FHOD3: variants seen among roughly 807,000 people sequenced by gnomAD.
FHOD3 encodes the protein FH1/FH2 domain-containing protein 3.
Under a neutral mutation model 173.0 loss-of-function variants are expected in FHOD3, and 90 were observed. That is an observed-to-expected ratio of 0.52 (90% confidence interval 0.44 to 0.62). FHOD3 has a LOEUF of 0.62. Ranked by LOEUF, FHOD3 falls within the 20% of genes least tolerant of loss-of-function variation. The probability of loss-of-function intolerance (pLI) is 0.00; values close to 1 mark genes in which losing one functional copy is unlikely to be tolerated. For missense variants in FHOD3, 1,945 were observed against 2,034.7 expected, an observed-to-expected ratio of 0.96 and a Z score of 0.85; for synonymous variants, 828 against 823.0, an observed-to-expected ratio of 1.01 and a Z score of -0.10.
intron 3 of FHOD3, among the ~76,000 whole-genome samples, chr18:36,471,515 G>A (rs2053283131): frequency 6.6e-6 from 1 of 152,128 alleles, no homozygotes; most frequent in Admixed American, 6.5e-5. Context: ...CCTGAGTACT[G>A]GGCTCACTTA....
intron 1 of FHOD3, among the ~76,000 whole-genome samples, chr18:36,344,631 G>A (rs2045793640): frequency 6.6e-6 from 1 of 152,086 alleles, no homozygotes; most frequent in Non-Finnish European, 1.5e-5. Flanking sequence ...ACCAAATATG[G>A]CAGGAAAAGA....
chr18:36,716,538 A>G (rs1568659117), intron 18 of FHOD3, among the ~76,000 whole-genome samples: 2 of 152,214 alleles, frequency 1.3e-5, no homozygotes, highest in South Asian at 2.1e-4. Context: ...TTGAAACTAG[A>G]TGAGACTGAA....
At chr18:36,509,106 G>A (rs2055474775) in intron 4 of FHOD3, among the ~76,000 whole-genome samples, 1 of 152,058 alleles carries the variant, frequency 6.6e-6, no homozygotes. Flanking sequence ...CTGGACTGTG[G>A]GCTACTGTAC....
rs551610601 is a variant in FHOD3 at position 36,625,738 on chromosome 18, T to A, written c.1185T>A (p.Asp395Glu). Residue 395 changes from aspartate to glutamate, a missense_variant, in exon 10 of 29, where the codon GAT becomes GAA. By Grantham distance (45) the Asp-to-Glu change is conservative. Coordinates refer to ENST00000590592, the MANE Select transcript of FHOD3 (RefSeq NM_001281740.3). Reference protein sequence around the residue: ...APSFKPNQVRDLREKEEEEEE... With the variant: ...APSFKPNQVRELREKEEEEEE... The stretch of plus-strand genomic sequence containing the variant: ...GCTTCAAGCCCAACCAAGTGCGAGA[T>A]CTGCGTGAAAAGTAAGCATTAACTT... 13 of 1,607,760 alleles carry A rather than the reference T, an allele frequency of 8.1e-6. No individual in the cohort carries two copies. In the South Asian group the frequency reaches 1.3e-4, roughly 16 times the overall value.
chr18:36,656,089 G>T (rs747007470), intron 13 of FHOD3, among the ~76,000 whole-genome samples: 3 of 152,110 alleles, frequency 2.0e-5, no homozygotes, highest in Non-Finnish European at 4.4e-5. Flanking sequence ...CTGCATCAGG[G>T]TCTCGTCACG....
Position 36,658,094 on chromosome 18 carries a change from AACTCTTATC to A in FHOD3, c.1746_1754del (p.Tyr583_Ser585del). 6.2e-7 allele frequency: 1 copy of A among 1,607,634 alleles called. No homozygotes were observed. The highest frequency in any genetic ancestry group is 1.3e-5 in the African/African-American group (1 of 74,362). ...TCTTAGATACAGCAATTTTGGCAAT[AACTCTTATC>A]ACTCCTCAAGACCCTCATCTGGATC... On this transcript the variant is annotated inframe_deletion, in exon 14 of 29. Transcript: ENST00000590592.
At chr18:36,583,477 C>T (rs1420073717) in intron 6 of FHOD3, among the ~76,000 whole-genome samples, 1 of 152,188 alleles carries the variant, frequency 6.6e-6, no homozygotes, top group Non-Finnish European at 1.5e-5. Context: ...GTTGACCTTC[C>T]CTGTGGCTTA....
chr18:36,595,478 C>T (rs1471954815), intron 7 of FHOD3, among the ~76,000 whole-genome samples: 1 of 152,102 alleles, frequency 6.6e-6, no homozygotes, highest in African/African-American at 2.4e-5. Flanking sequence ...CCAGCTGCCA[C>T]CCCCTTCTCC....
intron 14 of FHOD3, among the ~76,000 whole-genome samples, chr18:36,663,462 T>C (rs942996960): frequency 1.7e-4 from 26 of 152,226 alleles, no homozygotes; most frequent in Admixed American, 1.7e-3. Flanking sequence ...TCATGGTCAC[T>C]GGAATACAAC....
At chr18:36,717,699 C>T (rs747401307) in intron 18 of FHOD3, 133 bp from the exon 19 acceptor site, 56 of 1,392,146 alleles carry the variant, frequency 4.0e-5, no homozygotes, top group African/African-American at 5.9e-5. Context: ...TTGTCAGCCA[C>T]GGCTTTGACT....
intron 3 of FHOD3, among the ~76,000 whole-genome samples, chr18:36,481,836 T>C (rs78802045): frequency 3.3e-5 from 5 of 152,188 alleles, no homozygotes; most frequent in African/African-American, 4.8e-5. Context: ...CTTTGCACTA[T>C]TGAATCAGAG....
At chr18:36,340,594 T>C (rs201094561) in intron 1 of FHOD3, among the ~76,000 whole-genome samples, 5 of 151,284 alleles carry the variant, frequency 3.3e-5, no homozygotes, top group African/African-American at 7.3e-5. Context: ...TTTTTTTTTT[T>C]CCCTCTGGTT....
At chr18:36,383,759 T>A (rs2047900406) in intron 3 of FHOD3, among the ~76,000 whole-genome samples, 2 of 152,190 alleles carry the variant, frequency 1.3e-5, no homozygotes, top group Admixed American at 1.3e-4. Flanking sequence ...TCCCACTTAA[T>A]AGAGGAGAAA....
At chr18:36,679,480 C>A (rs544442502) in intron 14 of FHOD3, among the ~76,000 whole-genome samples, 1 of 151,990 alleles carries the variant, frequency 6.6e-6, no homozygotes, top group East Asian at 1.9e-4. Flanking sequence ...TTGAGCTGAT[C>A]ACTCATTAAT....
intron 3 of FHOD3, among the ~76,000 whole-genome samples, chr18:36,469,800 A>G (rs1288475478): frequency 7.2e-6 from 1 of 139,330 alleles, no homozygotes; most frequent in African/African-American, 2.6e-5. Flanking sequence ...GCCCTAGGAA[A>G]GTTGTTGGAG....
chr18:36,324,242 A>T (rs1352807635), intron 1 of FHOD3, among the ~76,000 whole-genome samples: 2 of 152,226 alleles, frequency 1.3e-5, no homozygotes, highest in African/African-American at 4.8e-5. Context: ...CAGATGAATC[A>T]TTGACTTAAA....
intron 16 of FHOD3, among the ~76,000 whole-genome samples, chr18:36,687,782 CA>C (rs2038720069): frequency 1.3e-5 from 2 of 152,180 alleles, no homozygotes; most frequent in Non-Finnish European, 2.9e-5. Context: ...TTAAAATATT[CA>C]AGCTGTAAAC....
At chr18:36,461,688 G>T (rs1426400405) in intron 3 of FHOD3, among the ~76,000 whole-genome samples, 2 of 152,156 alleles carry the variant, frequency 1.3e-5, no homozygotes, top group Non-Finnish European at 2.9e-5. Flanking sequence ...CTTTCATAGG[G>T]AAATTTCTTT....
intron 3 of FHOD3, among the ~76,000 whole-genome samples, chr18:36,401,000 G>A (rs559436972): frequency 3.3e-5 from 5 of 152,330 alleles, no homozygotes; most frequent in Non-Finnish European, 7.3e-5. Flanking sequence ...CTGACCTGTT[G>A]CTCTGGAGGG....
Sources: gnomAD v4.1 joint callset for allele counts (sites outside exome capture counted in the v4.1 genomes callset) on GRCh38, gnomAD v4.1.1 for gene constraint, MANE v1.5 for transcripts, NCBI Gene and HGNC (gene_info 2026-07-23, HGNC 2026-07-21) for gene names.